Variants in STXBP6 observed in about 807,000 individuals in gnomAD.
The protein encoded by STXBP6 is syntaxin-binding protein 6.
A neutral mutation model predicts 26.9 loss-of-function variants in STXBP6; 21 were observed. The ratio of observed to expected loss-of-function variants is 0.78; its 90% CI spans 0.55 to 1.12. The LOEUF (loss-of-function observed/expected upper bound fraction) is 1.12, where lower values mean the gene tolerates loss of function less well. Among genes scored for constraint, STXBP6 ranks in the 50% most tolerant of loss-of-function variants. The pLI is 0.00. For synonymous variants in STXBP6, 97 were observed against 92.6 expected (o/e 1.05, Z -0.27); for missense variants, 232 against 257.9 (o/e 0.90, Z 0.69).
chr14:24,811,694 C>T lies in STXBP6; in HGVS notation c.*1015G>A, dbSNP rs561738186. 5 of 152,184 alleles carry T rather than the reference C, an allele frequency of 3.3e-5. No homozygotes were observed. Among genetic ancestry groups the T allele is most frequent in the African/African-American group, 9.6e-5 (4 of 41,522 alleles). 9.4% of individuals were successfully genotyped at this position (152,184 alleles called of 1,614,324 possible). ...TTAAATAAATAGATAGCAAAAACAACATCAAAACCTCCAAAATCCAGATAC... is the reference window on the plus strand; with the variant it reads ...TTAAATAAATAGATAGCAAAAACAATATCAAAACCTCCAAAATCCAGATAC... On this transcript the variant is annotated 3_prime_UTR_variant, in exon 6 of 6. Coordinates refer to ENST00000323944, the MANE Select transcript of STXBP6 (RefSeq NM_001394410.1).
rs575507026 is a variant in STXBP6 at position 25,018,874 on chromosome 14, C to A, written c.-33+31004G>T. On this transcript the variant is annotated intron_variant, in intron 1 of 5. Transcript: ENST00000323944. ...TAGCTACCACCAACTAAGAACACAC[C>A]ATGGGCCAGACATTATTCTTGGCAG... 2.6e-5 allele frequency among the ~76,000 whole-genome samples: 4 copies of A among 152,332 alleles called. No individual in the cohort carries two copies. In the East Asian group the frequency reaches 7.7e-4, roughly 29 times the overall value.
At chr14:25,039,635 C>T (rs954207959) in intron 1 of STXBP6, among the ~76,000 whole-genome samples, 1 of 152,104 alleles carries the variant, frequency 6.6e-6, no homozygotes, top group Non-Finnish European at 1.5e-5. Context: ...TAGCCCTCTT[C>T]ATTTCCTGGA....
intron 2 of STXBP6, among the ~76,000 whole-genome samples, chr14:24,883,551 C>A (rs1269249780): frequency 6.6e-6 from 1 of 152,098 alleles, no homozygotes; most frequent in Non-Finnish European, 1.5e-5. Flanking sequence ...ATGGTAGAAG[C>A]CTCAAATATT....
intron 4 of STXBP6, among the ~76,000 whole-genome samples, chr14:24,855,630 T>C (rs2069301396): frequency 6.6e-6 from 1 of 152,056 alleles, no homozygotes; most frequent in South Asian, 2.1e-4. Context: ...GAAACCAAAA[T>C]AAAAGGTTTT....
chr14:25,025,307 G>A (rs2075330926), intron 1 of STXBP6, among the ~76,000 whole-genome samples: 1 of 152,008 alleles, frequency 6.6e-6, no homozygotes, highest in African/African-American at 2.4e-5. Flanking sequence ...TTTGCTAAAT[G>A]TTCCTTCTTC....
chr14:24,866,297 C>T (rs2069718627), intron 2 of STXBP6, among the ~76,000 whole-genome samples: 1 of 152,118 alleles, frequency 6.6e-6, no homozygotes, highest in Non-Finnish European at 1.5e-5. Flanking sequence ...TTTTGGACTT[C>T]CCAGTCTCCA....
chr14:24,878,100 G>T (rs916878361), intron 2 of STXBP6, among the ~76,000 whole-genome samples: 6 of 152,020 alleles, frequency 3.9e-5, no homozygotes, highest in South Asian at 2.1e-4. Flanking sequence ...GTTTCTAGTG[G>T]TTTTTTCTAT....
At chr14:24,890,315 T>G (rs1734928171) in intron 2 of STXBP6, among the ~76,000 whole-genome samples, 2 of 152,182 alleles carry the variant, frequency 1.3e-5, no homozygotes, top group South Asian at 4.1e-4. Flanking sequence ...GCCCCTGCAG[T>G]ACACAAAGGT....
At chr14:24,819,016 C>T (rs116665146) in intron 5 of STXBP6, 21 bp downstream of exon 5, 10 of 1,553,816 alleles carry the variant, frequency 6.4e-6, no homozygotes, top group East Asian at 2.3e-5. Flanking sequence ...AGCTGAGAAG[C>T]CTGCTCCTCT....
At chr14:24,949,950 T>C (rs1006186378) in intron 2 of STXBP6, among the ~76,000 whole-genome samples, 2 of 152,158 alleles carry the variant, frequency 1.3e-5, no homozygotes, top group African/African-American at 4.8e-5. Flanking sequence ...CACTTTCCCT[T>C]TTTCTTTCCA....
chr14:24,932,395 T>C (rs955421971), intron 2 of STXBP6, among the ~76,000 whole-genome samples: 1 of 152,182 alleles, frequency 6.6e-6, no homozygotes, highest in African/African-American at 2.4e-5. Flanking sequence ...TGGTGGTACA[T>C]GCCTATGTTG....
chr14:24,837,692 T>C (rs1427324332), intron 4 of STXBP6, among the ~76,000 whole-genome samples: 1 of 152,184 alleles, frequency 6.6e-6, no homozygotes, highest in African/African-American at 2.4e-5. Flanking sequence ...AATTAATCTC[T>C]GCAAAATTAA....
chr14:24,889,732 G>GA (rs2070726197), intron 2 of STXBP6, among the ~76,000 whole-genome samples: 1 of 152,014 alleles, frequency 6.6e-6, no homozygotes, highest in Admixed American at 6.5e-5. Flanking sequence ...TGGAAGACGG[G>GA]AAAAAAGTAA....
intron 1 of STXBP6, among the ~76,000 whole-genome samples, chr14:25,032,955 T>C (rs2075486466): frequency 6.6e-6 from 1 of 152,200 alleles, no homozygotes; most frequent in South Asian, 2.1e-4. Flanking sequence ...ATCTTTTCTC[T>C]TGCCCCAGCC....
In STXBP6 at chr14:25,049,101, T is replaced by C; in HGVS notation, c.-33+777A>G. ...AAGAACAAGATGTCTTTCCAAATTC[T>C]CCACCTGCAGGTCCTGTCCTCTGTG... On this transcript the variant is annotated intron_variant, in intron 1 of 5. Coordinates refer to ENST00000323944, the MANE Select transcript of STXBP6 (RefSeq NM_001394410.1). The surrounding 1 kb of genome is among the most constrained non-coding windows in gnomAD (Gnocchi z 5.6). The C allele has an allele frequency of 1.1e-6, 1 of 950,876 alleles. No individual in the cohort carries two copies. The highest frequency in any genetic ancestry group is 1.3e-6 in the Non-Finnish European group (1 of 798,326). The allele number at this position is 950,876 out of a possible 1,614,324, so 58.9% of individuals were successfully genotyped here. A position where few individuals can be genotyped will look rare whatever the true frequency, so the allele number is the denominator to read the frequency against.
At chr14:25,033,069 G>T (rs76757485) in intron 1 of STXBP6, among the ~76,000 whole-genome samples, 9,612 of 152,166 alleles carry the variant, frequency 0.063, 427 homozygotes, top group East Asian at 0.22. Context: ...TACATGAGTG[G>T]CTATTATAAG....
At position 24,935,029 on chromosome 14, in the gene STXBP6, C is replaced by T. The variant is rs1416167031; in HGVS notation, c.154+39636G>A. On this transcript the variant is annotated intron_variant, in intron 2 of 5. Transcript: ENST00000323944. ...AATGGGATGGTGGAAGAGGGGAATA[C>T]GAAACGAAGGTACAGAAAACCTCTA... is the stretch of plus-strand genomic sequence containing the variant. 3.9e-5 allele frequency among the ~76,000 whole-genome samples: 6 copies of T among 152,098 alleles called. No homozygotes were observed. The South Asian group carries it at 6.2e-4, about 16-fold the overall frequency.
At chr14:24,867,834 C>A (rs1594998601) in intron 2 of STXBP6, among the ~76,000 whole-genome samples, 1 of 152,184 alleles carries the variant, frequency 6.6e-6, no homozygotes, top group East Asian at 1.9e-4. Flanking sequence ...TCATGGAAAA[C>A]TTGTGCTCTT....
At chr14:24,918,395 T>C (rs1199630952) in intron 2 of STXBP6, among the ~76,000 whole-genome samples, 1 of 150,154 alleles carries the variant, frequency 6.7e-6, no homozygotes, top group Non-Finnish European at 1.5e-5. Context: ...TTAAAGGAGC[T>C]CATTAAAACG....
Sources: gnomAD v4.1 joint callset for allele counts (sites outside exome capture counted in the v4.1 genomes callset) on GRCh38, gnomAD v4.1.1 for gene constraint, Gnocchi (gnomAD v3.1) non-coding constraint, MANE v1.5 for transcripts, NCBI Gene and HGNC (gene_info 2026-07-23, HGNC 2026-07-21) for gene names.